CNTNAP2: variants seen among roughly 807,000 people sequenced by gnomAD.
The protein encoded by CNTNAP2 is contactin-associated protein-like 2.
Under a neutral mutation model 155.2 loss-of-function variants are expected in CNTNAP2, and 98 were observed. That is an observed-to-expected ratio of 0.63 (90% CI 0.54 to 0.75). The LOEUF (loss-of-function observed/expected upper bound fraction) is 0.75. Among genes scored for constraint, CNTNAP2 ranks in the 30% least tolerant of loss-of-function variants. The probability of loss-of-function intolerance (pLI) is 0.00; values close to 1 mark genes in which losing one functional copy is unlikely to be tolerated. For missense variants in CNTNAP2, 1,727 were observed against 1,688.1 expected (o/e 1.02, Z -0.40); for synonymous variants, 651 against 631.2 (o/e 1.03, Z -0.47).
At chr7:146,544,506 T>C (rs1798000085) in intron 1 of CNTNAP2, among the ~76,000 whole-genome samples, 1 of 151,966 alleles carries the variant, frequency 6.6e-6, no homozygotes, top group African/African-American at 2.4e-5. Context: ...ATTGGAAATC[T>C]AACAATTTTG....
intron 1 of CNTNAP2, among the ~76,000 whole-genome samples, chr7:146,246,240 GTA>G (rs1554406881): frequency 3.4e-4 from 51 of 150,470 alleles, no homozygotes; most frequent in Admixed American, 7.3e-4. Context: ...TTAAGGTGGG[GTA>G]ATACAAGAGG....
chr7:146,712,529 G>A (rs1801115239), intron 1 of CNTNAP2, among the ~76,000 whole-genome samples: 1 of 150,258 alleles, frequency 6.7e-6, no homozygotes, highest in East Asian at 2.0e-4. Context: ...ACAGTTGAAA[G>A]GCCAGAATGA....
At chr7:147,201,362 T>C (rs1345301897) in intron 8 of CNTNAP2, among the ~76,000 whole-genome samples, 1 of 152,208 alleles carries the variant, frequency 6.6e-6, no homozygotes, top group Non-Finnish European at 1.5e-5. Flanking sequence ...AGTCTGTTTC[T>C]GGTATTTTGA....
At chr7:148,289,030 G>A (rs1185770772) in intron 21 of CNTNAP2, among the ~76,000 whole-genome samples, 3 of 151,834 alleles carry the variant, frequency 2.0e-5, no homozygotes, top group Non-Finnish European at 2.9e-5. Flanking sequence ...GCAACTCAGG[G>A]TGGTGGGATT....
rs117874647 is a variant in CNTNAP2 at position 147,295,289 on chromosome 7, G to A, written c.1349-4852G>A. ...TGCATGCGTGTGTGTGTGTGTGCAC[G>A]TGTTGTGTGTGTGTGTTTGCATAGT... On this transcript the variant is annotated intron_variant, in intron 8 of 23. Coordinates refer to ENST00000361727, the MANE Select transcript of CNTNAP2 (RefSeq NM_014141.6). Among the ~76,000 whole-genome samples, 1,058 of 151,876 alleles carry A rather than the reference G, an allele frequency of 7.0e-3. 22 individuals are homozygous for A. In the East Asian group the frequency reaches 0.091, roughly 13 times the overall value.
At chr7:146,510,981 C>T (rs1432704456) in intron 1 of CNTNAP2, among the ~76,000 whole-genome samples, 5 of 152,138 alleles carry the variant, frequency 3.3e-5, no homozygotes, top group Non-Finnish European at 7.4e-5. Context: ...ACTGCAAGCT[C>T]CACCTCCCGG....
At chr7:146,855,492 C>A (rs1256969388) in intron 3 of CNTNAP2, among the ~76,000 whole-genome samples, 1 of 151,894 alleles carries the variant, frequency 6.6e-6, no homozygotes, top group Non-Finnish European at 1.5e-5. Context: ...AGATACACAG[C>A]AGCTGTGAAG....
chr7:147,342,799 T>G (rs1343366489), intron 9 of CNTNAP2, among the ~76,000 whole-genome samples: 1 of 152,164 alleles, frequency 6.6e-6, no homozygotes, highest in Non-Finnish European at 1.5e-5. Context: ...TAATAAGTGT[T>G]GACCCTCTGA....
intron 8 of CNTNAP2, among the ~76,000 whole-genome samples, chr7:147,215,678 A>G (rs1234032520): frequency 6.6e-6 from 1 of 152,208 alleles, no homozygotes; most frequent in Non-Finnish European, 1.5e-5. Context: ...GTGTGAACAT[A>G]TGTTTTCAAC....
chr7:147,519,044 AAAT>A lies in CNTNAP2; in HGVS notation c.1777+33004_1777+33006del, dbSNP rs1442427564. Among the ~76,000 whole-genome samples the A allele has an allele frequency of 4.8e-4, 73 of 150,946 alleles. 2 individuals carry two copies. Among genetic ancestry groups the A allele is most frequent in the African/African-American group, 1.7e-3 (70 of 40,708 alleles). ...GTCTCAAAAAAAAAAAAAAAAAAAA[AAAT>A]TATGCTGCAGTTTCCTAGGGCTGCT... is the stretch of plus-strand genomic sequence containing the variant. On this transcript the variant is annotated intron_variant, in intron 11 of 23. Transcript: ENST00000361727.
chr7:147,626,491 G>A (rs1051534311), intron 12 of CNTNAP2, among the ~76,000 whole-genome samples: 2 of 152,158 alleles, frequency 1.3e-5, no homozygotes, highest in Non-Finnish European at 2.9e-5. Flanking sequence ...AGGAGAGGCT[G>A]AGCTCAGACC....
At chr7:148,162,839 A>T (rs568897558) in intron 17 of CNTNAP2, among the ~76,000 whole-genome samples, 1 of 150,782 alleles carries the variant, frequency 6.6e-6, no homozygotes, top group African/African-American at 2.4e-5. Flanking sequence ...CTACAAAAAA[A>T]AATTTTTTTA....
intron 1 of CNTNAP2, among the ~76,000 whole-genome samples, chr7:146,579,405 G>A (rs1489090589): frequency 6.6e-6 from 1 of 151,970 alleles, no homozygotes; most frequent in African/African-American, 2.4e-5. Flanking sequence ...TATACACCAC[G>A]CTCCATTGAC....
At chr7:146,932,936 C>G (rs180780580) in intron 3 of CNTNAP2, among the ~76,000 whole-genome samples, 3,215 of 152,078 alleles carry the variant, frequency 0.021, 66 homozygotes, top group African/African-American at 0.052. Flanking sequence ...TGAAATAAAA[C>G]AGGATACAAA....
chr7:146,294,887 T>G (rs1800487391), intron 1 of CNTNAP2, among the ~76,000 whole-genome samples: 1 of 152,208 alleles, frequency 6.6e-6, no homozygotes, highest in Admixed American at 6.5e-5. Context: ...GCTTAATTTT[T>G]GTTCACCAAA....
chr7:147,193,605 A>G (rs966159932), intron 8 of CNTNAP2, among the ~76,000 whole-genome samples: 1 of 152,178 alleles, frequency 6.6e-6, no homozygotes, highest in Non-Finnish European at 1.5e-5. Flanking sequence ...TATATGAGGT[A>G]CATAACCTGG....
intron 10 of CNTNAP2, among the ~76,000 whole-genome samples, chr7:147,396,054 A>G (rs1796808634): frequency 6.8e-6 from 1 of 148,014 alleles, no homozygotes; most frequent in Non-Finnish European, 1.5e-5. Flanking sequence ...GCTATATGAG[A>G]TATATCATAT....
chr7:147,447,356 A>G (rs1056423812), intron 10 of CNTNAP2, among the ~76,000 whole-genome samples: 8 of 152,186 alleles, frequency 5.3e-5, no homozygotes, highest in Admixed American at 5.2e-4. Context: ...AGATAGAAAA[A>G]CACACCAAAA....
At chr7:147,714,900 T>C (rs1406998447) in intron 13 of CNTNAP2, among the ~76,000 whole-genome samples, 1 of 152,152 alleles carries the variant, frequency 6.6e-6, no homozygotes, top group African/African-American at 2.4e-5. Context: ...TCTATAATGA[T>C]GTTATTTCAC....
Sources: allele counts gnomAD v4.1 joint callset (sites outside exome capture counted in the v4.1 genomes callset), GRCh38; gene constraint gnomAD v4.1.1; transcripts MANE v1.5; gene names NCBI Gene and HGNC (gene_info 2026-07-23, HGNC 2026-07-21).